SHOC2: variants seen among roughly 807,000 people sequenced by gnomAD.
The protein encoded by SHOC2 is leucine-rich repeat protein SHOC-2.
SHOC2 carries 4 observed loss-of-function variants against 50.2 expected under a neutral mutation model. The ratio of observed to expected loss-of-function variants is 0.08; its 90% CI spans 0.04 to 0.18. The LOEUF (loss-of-function observed/expected upper bound fraction) is 0.18, where lower values mean the gene tolerates loss of function less well. SHOC2 is among the 10% of genes least tolerant of loss of function. SHOC2 has a pLI of 1.00. For synonymous variants in SHOC2, 218 were observed against 244.5 expected, an observed-to-expected ratio of 0.89 and a Z score of 1.01; for missense variants, 388 against 669.6, an observed-to-expected ratio of 0.58 and a Z score of 4.64.
At chr10:110,939,190 A>ATTTTT (rs747856225) in intron 1 of SHOC2, among the ~76,000 whole-genome samples, 1 of 151,370 alleles carries the variant, frequency 6.6e-6, no homozygotes, top group Non-Finnish European at 1.5e-5. Flanking sequence ...TTTTTTTGCT[A>ATTTTT]TTTTTTTTAC....
Position 111,011,953 on chromosome 10 carries a change from G to A in SHOC2, c.*135G>A. 2 of 750,312 alleles carry A rather than the reference G, an allele frequency of 2.7e-6. No individual in the cohort carries two copies. Among genetic ancestry groups the A allele is most frequent in the Admixed American group, 2.4e-5 (1 of 42,178 alleles). The allele number at this position is 750,312 out of a possible 1,614,324, so 46.5% of individuals were successfully genotyped here. ...ATTGCATTATGTGTTTCTGCTAATA[G>A]AGGAATCATAGCCATTTAGAATTTT... On this transcript the variant is annotated 3_prime_UTR_variant, in exon 9 of 9. Coordinates refer to ENST00000369452, the MANE Select transcript of SHOC2 (RefSeq NM_007373.4).
intron 1 of SHOC2, among the ~76,000 whole-genome samples, chr10:110,945,982 C>A (rs564369981): frequency 1.3e-5 from 2 of 152,156 alleles, no homozygotes; most frequent in Non-Finnish European, 2.9e-5. Flanking sequence ...GGGTTACCAT[C>A]ATATGTCAGT....
At chr10:111,004,202 CAG>C (rs1332011743) in intron 4 of SHOC2, among the ~76,000 whole-genome samples, 1 of 152,160 alleles carries the variant, frequency 6.6e-6, no homozygotes, top group African/African-American at 2.4e-5. Flanking sequence ...CAGCCAGTGG[CAG>C]AGACAGGGCT....
chr10:110,926,464 C>T (rs980262696), intron 1 of SHOC2, among the ~76,000 whole-genome samples: 2 of 152,108 alleles, frequency 1.3e-5, no homozygotes, highest in African/African-American at 2.4e-5. Context: ...TTTATTCTCA[C>T]GTAGTGCACA....
chr10:110,979,192 G>T (rs1480392070), intron 2 of SHOC2, among the ~76,000 whole-genome samples: 2 of 152,220 alleles, frequency 1.3e-5, no homozygotes, highest in Non-Finnish European at 1.5e-5. Context: ...CTAGCAGGTT[G>T]CTGGAGAGAG....
intron 8 of SHOC2, 127 bp from the exon 9 acceptor site, chr10:111,011,483 G>A (rs1848564468): frequency 1.4e-6 from 1 of 689,854 alleles, no homozygotes; most frequent in Non-Finnish European, 2.5e-6. Flanking sequence ...GAGTTTTAAA[G>A]CTAAGAAAGG....
At chr10:110,994,945 T>C (rs1848244599) in intron 3 of SHOC2, among the ~76,000 whole-genome samples, 1 of 152,222 alleles carries the variant, frequency 6.6e-6, no homozygotes, top group African/African-American at 2.4e-5. Context: ...TGTAGAATGA[T>C]TAATTTGTAT....
chr10:111,007,383 G>C (rs1255269015), intron 5 of SHOC2, 148 bp from the exon 6 acceptor site: 14 of 879,864 alleles, frequency 1.6e-5, no homozygotes, highest in Middle Eastern at 3.2e-4. Flanking sequence ...AGAGTTTTCT[G>C]TTGCTGATTT....
At chr10:110,948,165 G>C (rs1257048012) in intron 1 of SHOC2, among the ~76,000 whole-genome samples, 2 of 152,176 alleles carry the variant, frequency 1.3e-5, no homozygotes, top group African/African-American at 4.8e-5. Flanking sequence ...AGTTCATCCA[G>C]AAGATATAAT....
At chr10:110,935,803 T>G (rs1846995931) in intron 1 of SHOC2, among the ~76,000 whole-genome samples, 1 of 152,212 alleles carries the variant, frequency 6.6e-6, no homozygotes, top group Non-Finnish European at 1.5e-5. Context: ...TTAGCATTCC[T>G]CAGTCTATTT....
At chr10:110,923,080 C>A (rs1422286049) in intron 1 of SHOC2, among the ~76,000 whole-genome samples, 2 of 152,070 alleles carry the variant, frequency 1.3e-5, no homozygotes, top group Admixed American at 6.5e-5. Context: ...TTGTAATCCC[C>A]TATTTTAACT....
At chr10:110,967,466 T>C (rs545935455) in intron 2 of SHOC2, among the ~76,000 whole-genome samples, 126 of 152,348 alleles carry the variant, frequency 8.3e-4, no homozygotes, top group Middle Eastern at 3.4e-3. Flanking sequence ...TTTAACAGTT[T>C]AATTATAATA....
At chr10:111,001,387 T>C (rs1365854716) in intron 4 of SHOC2, among the ~76,000 whole-genome samples, 1 of 152,084 alleles carries the variant, frequency 6.6e-6, no homozygotes, top group African/African-American at 2.4e-5. Context: ...GCTCCTGACC[T>C]CCAGTGGTCC....
chr10:110,985,052 A>G (rs1205049264), intron 2 of SHOC2, among the ~76,000 whole-genome samples: 1 of 152,204 alleles, frequency 6.6e-6, no homozygotes, highest in South Asian at 2.1e-4. Flanking sequence ...CTGGATATTA[A>G]GAAGATTATC....
chr10:110,965,098 G>C (rs779698241), intron 2 of SHOC2, 37 bp downstream of exon 2: 2 of 1,570,308 alleles, frequency 1.3e-6, no homozygotes, highest in African/African-American at 2.7e-5. Flanking sequence ...TGTAGTATTT[G>C]TTATGCTAAA....
chr10:110,936,610 TC>T lies in SHOC2; in HGVS notation c.-235+16954del, dbSNP rs761558295. 109 of 901,746 alleles carry T rather than the reference TC, an allele frequency of 1.2e-4. 1 individual carries two copies. Among genetic ancestry groups the T allele is most frequent in the Non-Finnish European group, 1.7e-4 (98 of 577,080 alleles). The allele number at this position is 901,746 out of a possible 1,614,324, so 55.9% of individuals were successfully genotyped here. A position where few individuals can be genotyped will look rare whatever the true frequency, so the allele number is the denominator to read the frequency against. On this transcript the variant is annotated intron_variant, in intron 1 of 8. Transcript: ENST00000369452. ...TTTCCTTTTTTTTTTTTTTTAACAG[TC>T]TTTATTGGGCTCAGACCAGGAGTCC...
chr10:111,002,164 G>A (rs1285189162), intron 4 of SHOC2, among the ~76,000 whole-genome samples: 1 of 152,178 alleles, frequency 6.6e-6, no homozygotes, highest in Non-Finnish European at 1.5e-5. Flanking sequence ...CTGGGAGCTT[G>A]TTAGAAATGT....
intron 5 of SHOC2, among the ~76,000 whole-genome samples, chr10:111,006,531 C>T (rs962167170): frequency 1.2e-3 from 178 of 152,164 alleles, no homozygotes; most frequent in African/African-American, 4.0e-3. Flanking sequence ...CCACTACGCC[C>T]GGCTAATTTT....
intron 2 of SHOC2, among the ~76,000 whole-genome samples, chr10:110,979,340 T>G (rs536972267): frequency 1.5e-4 from 23 of 152,370 alleles, no homozygotes; most frequent in African/African-American, 4.8e-4. Flanking sequence ...AGTCAGAATC[T>G]TTTGTAACTG....
Sources: allele counts gnomAD v4.1 joint callset (sites outside exome capture counted in the v4.1 genomes callset), GRCh38; gene constraint gnomAD v4.1.1; transcripts MANE v1.5; gene names NCBI Gene and HGNC (gene_info 2026-07-23, HGNC 2026-07-21).